Variants in COX16 observed in about 807,000 individuals in gnomAD.
COX16 encodes cytochrome c oxidase assembly protein COX16 homolog, mitochondrial.
COX16 carries 12 observed loss-of-function variants against 15.4 expected under a neutral mutation model. The ratio of observed to expected loss-of-function variants is 0.78; its 90% confidence interval spans 0.50 to 1.26. COX16 has a LOEUF of 1.26. Ranked by LOEUF, COX16 falls within the 50% of genes most tolerant of loss-of-function variation. The probability of loss-of-function intolerance (pLI) is 0.00; values close to 1 mark genes in which losing one functional copy is unlikely to be tolerated. For synonymous variants in COX16, 46 were observed against 41.1 expected, an observed-to-expected ratio of 1.12 and a Z score of -0.46; for missense variants, 124 against 127.6, an observed-to-expected ratio of 0.97 and a Z score of 0.14.
chr14:70,345,105 C>G (rs1487693454), intron 1 of COX16, among the ~76,000 whole-genome samples: 1 of 152,222 alleles, frequency 6.6e-6, no homozygotes, highest in Non-Finnish European at 1.5e-5. Context: ...CCACCCCAGA[C>G]AGCAGGCCAC....
chr14:70,326,474 T>C lies in COX16; in HGVS notation c.205-25A>G. ...TCTATAGAACCACAAAAAATTAAAG[T>C]ATAAATATTAGTATAAGAGCCTGTG... On this transcript the variant is annotated intron_variant, in intron 3 of 3. Transcript: ENST00000389912. 3 of 1,542,892 alleles carry C rather than the reference T, an allele frequency of 1.9e-6. No individual in the cohort carries two copies. The South Asian group carries it at 3.8e-5, about 19-fold the overall frequency.
At chr14:70,335,883 A>G (rs1276282295) in intron 2 of COX16, among the ~76,000 whole-genome samples, 2 of 152,212 alleles carry the variant, frequency 1.3e-5, no homozygotes, top group African/African-American at 4.8e-5. Flanking sequence ...CCACTGATAT[A>G]AAATTCAAAA....
intron 2 of COX16, among the ~76,000 whole-genome samples, chr14:70,338,425 T>C (rs568144966): frequency 1.3e-5 from 2 of 152,292 alleles, no homozygotes; most frequent in East Asian, 1.9e-4. Flanking sequence ...AGAAGATAAT[T>C]TGAAAGTCAA....
chr14:70,352,959 T>C (rs770629338), intron 1 of COX16, among the ~76,000 whole-genome samples: 6 of 152,156 alleles, frequency 3.9e-5, no homozygotes, highest in African/African-American at 1.2e-4. Context: ...CAAGTTGTCA[T>C]TGCTACTTTA....
chr14:70,346,163 C>T (rs2140730611), intron 1 of COX16, among the ~76,000 whole-genome samples: 1 of 152,332 alleles, frequency 6.6e-6, no homozygotes, highest in South Asian at 2.1e-4. Flanking sequence ...TTCGGTTCAT[C>T]TCCCAATCCA....
intron 3 of COX16, among the ~76,000 whole-genome samples, chr14:70,327,511 T>C (rs1243746841): frequency 6.6e-6 from 1 of 152,032 alleles, no homozygotes; most frequent in Non-Finnish European, 1.5e-5. Flanking sequence ...GGGAAAGTAG[T>C]AAATGAAAAT....
chr14:70,330,328 C>T lies in COX16; in HGVS notation c.142-1092G>A, dbSNP rs188618082. Reference sequence around the variant, plus strand: ...TACAACTTTCCAAAACTGACAAAGGCACAATAGACAACCTGAATAGTTTTA... The same window carrying T: ...TACAACTTTCCAAAACTGACAAAGGTACAATAGACAACCTGAATAGTTTTA... On this transcript the variant is annotated intron_variant, in intron 2 of 3. Transcript: ENST00000389912. Among the ~76,000 whole-genome samples, 465 of 152,140 alleles carry T rather than the reference C, an allele frequency of 3.1e-3. 4 individuals are homozygous for T. The highest frequency in any genetic ancestry group is 4.6e-3 in the Non-Finnish European group (311 of 67,978).
intron 1 of COX16, among the ~76,000 whole-genome samples, chr14:70,348,601 T>TC (rs1472238540): frequency 6.6e-6 from 1 of 151,740 alleles, no homozygotes; most frequent in African/African-American, 2.4e-5. Flanking sequence ...GCCAATCCGC[T>TC]CCCCCAGGCA....
At chr14:70,355,334 T>A (rs1022153806) in intron 1 of COX16, among the ~76,000 whole-genome samples, 1 of 152,224 alleles carries the variant, frequency 6.6e-6, no homozygotes, top group Non-Finnish European at 1.5e-5. Flanking sequence ...TCACTCTTTC[T>A]TAGTCTCCTT....
intron 2 of COX16, among the ~76,000 whole-genome samples, chr14:70,333,654 A>G (rs1886359298): frequency 6.6e-6 from 1 of 152,254 alleles, no homozygotes; most frequent in Non-Finnish European, 1.5e-5. Flanking sequence ...AAGACAAAGG[A>G]GCAGAAAGCT....
At chr14:70,334,537 A>G (rs1199256432) in intron 2 of COX16, among the ~76,000 whole-genome samples, 1 of 152,182 alleles carries the variant, frequency 6.6e-6, no homozygotes, top group Non-Finnish European at 1.5e-5. Flanking sequence ...AAATTGTAAC[A>G]TCAAAAATTC....
chr14:70,355,030 G>A (rs1018168659), intron 1 of COX16, among the ~76,000 whole-genome samples: 2 of 152,040 alleles, frequency 1.3e-5, no homozygotes, highest in African/African-American at 2.4e-5. Flanking sequence ...GCAGGATCCA[G>A]CATAAAAATG....
At chr14:70,348,824 C>T (rs116608852) in intron 1 of COX16, among the ~76,000 whole-genome samples, 3 of 152,302 alleles carry the variant, frequency 2.0e-5, no homozygotes, top group African/African-American at 7.2e-5. Context: ...TGCCAGACTC[C>T]CGCAGAAAGC....
At chr14:70,352,585 A>G (rs1330025507) in intron 1 of COX16, among the ~76,000 whole-genome samples, 1 of 149,052 alleles carries the variant, frequency 6.7e-6, no homozygotes, top group African/African-American at 2.5e-5. Context: ...TATTACATAC[A>G]TTATTTATGT....
chr14:70,358,402 CAGAG>C (rs1887199427), intron 1 of COX16, among the ~76,000 whole-genome samples: 3 of 108,186 alleles, frequency 2.8e-5, no homozygotes, highest in Non-Finnish European at 5.3e-5. Flanking sequence ...TTTGGAGAGA[CAGAG>C]GTCTTGCTGG....
At chr14:70,354,113 A>G (rs1190533123) in intron 1 of COX16, among the ~76,000 whole-genome samples, 1 of 152,210 alleles carries the variant, frequency 6.6e-6, no homozygotes, top group East Asian at 1.9e-4. Flanking sequence ...GGAGTTTAAG[A>G]CCAGCCTGGG....
intron 1 of COX16, among the ~76,000 whole-genome samples, chr14:70,350,384 G>A (rs564088886): frequency 1.3e-5 from 2 of 152,198 alleles, no homozygotes; most frequent in African/African-American, 4.8e-5. Context: ...GCCTCAGCCC[G>A]CCTGCACCCA....
At chr14:70,332,919 T>A (rs1298913745) in intron 2 of COX16, among the ~76,000 whole-genome samples, 1 of 152,180 alleles carries the variant, frequency 6.6e-6, no homozygotes, top group South Asian at 2.1e-4. Flanking sequence ...CCCCAGTACC[T>A]ACCTTGGATC....
chr14:70,358,104 G>A (rs997355233), intron 1 of COX16, among the ~76,000 whole-genome samples: 2 of 152,080 alleles, frequency 1.3e-5, no homozygotes, highest in Non-Finnish European at 2.9e-5. Context: ...ATTCTAAGTG[G>A]AAGAATCCAG....
Sources: allele counts gnomAD v4.1 joint callset (sites outside exome capture counted in the v4.1 genomes callset), GRCh38; gene constraint gnomAD v4.1.1; transcripts MANE v1.5; gene names NCBI Gene and HGNC (gene_info 2026-07-23, HGNC 2026-07-21).